SLC25A44: variants seen among roughly 807,000 people sequenced by gnomAD.
SLC25A44 encodes the protein solute carrier family 25 member 44, also known as solute carrier family 25, member 44.
Under a neutral mutation model 29.9 loss-of-function variants are expected in SLC25A44, and 17 were observed. That is an observed-to-expected ratio of 0.57 (90% CI 0.39 to 0.85). The LOEUF (loss-of-function observed/expected upper bound fraction) is 0.85, where lower values mean the gene tolerates loss of function less well. Among genes scored for constraint, SLC25A44 ranks in the 40% least tolerant of loss-of-function variants. The probability of loss-of-function intolerance (pLI) is 0.00; values close to 1 mark genes in which losing one functional copy is unlikely to be tolerated. For synonymous variants in SLC25A44, 140 were observed against 151.8 expected (o/e 0.92, Z 0.57); for missense variants, 302 against 398.4 (o/e 0.76, Z 2.06).
rs191009750 is a variant in SLC25A44, at chr1:156,202,109, T to G, written c.625+1637T>G. 1.8e-3 allele frequency among the ~76,000 whole-genome samples: 281 copies of G among 152,350 alleles called. 1 individual carries two copies. Among genetic ancestry groups the G allele is most frequent in the African/African-American group, 6.3e-3 (260 of 41,572 alleles). ...TCTTCAGTTCACTGAGACTGAAGTC[T>G]TGGGGATTGTGCTTGACTACTCCTT... is the stretch of plus-strand genomic sequence containing the variant. On this transcript the variant is annotated intron_variant, in intron 2 of 3. Transcript: ENST00000359511.
At position 156,200,492 on chromosome 1, in the gene SLC25A44, G is replaced by T. The variant is rs1174123186; in HGVS notation, c.625+20G>T. 37 of 1,568,586 alleles carry T rather than the reference G, an allele frequency of 2.4e-5. No homozygotes were observed. The highest frequency in any genetic ancestry group is 3.2e-5 in the Non-Finnish European group (37 of 1,156,658). ...ATGCAGGTAAGCAGGGGCCAGGACAGTGGGGGAGGAAGGTGGGATTTCTAA... is the reference window on the plus strand; with the variant it reads ...ATGCAGGTAAGCAGGGGCCAGGACATTGGGGGAGGAAGGTGGGATTTCTAA... On this transcript the variant is annotated intron_variant, in intron 2 of 3. Coordinates refer to ENST00000359511, the MANE Select transcript of SLC25A44 (RefSeq NM_014655.4).
chr1:156,200,486 A>G lies in SLC25A44; in HGVS notation c.625+14A>G. The G allele has an allele frequency of 6.3e-7, 1 of 1,578,772 alleles. No individual in the cohort carries two copies. Among genetic ancestry groups the G allele is most frequent in the Non-Finnish European group, 8.6e-7 (1 of 1,160,924 alleles). ...ACTTCTATGCAGGTAAGCAGGGGCC[A>G]GGACAGTGGGGGAGGAAGGTGGGAT... On this transcript the variant is annotated intron_variant, in intron 2 of 3. Coordinates refer to ENST00000359511, the MANE Select transcript of SLC25A44 (RefSeq NM_014655.4).
intron 1 of SLC25A44, among the ~76,000 whole-genome samples, 158 bp downstream of exon 1, chr1:156,194,405 C>G (rs1270832081): frequency 2.6e-5 from 4 of 152,188 alleles, no homozygotes; most frequent in East Asian, 1.9e-4. Context: ...GGCAGAGGAT[C>G]GTGAGATTCG....
At chr1:156,208,653 CTCTT>C (rs1308155555) in intron 3 of SLC25A44, among the ~76,000 whole-genome samples, 2 of 152,188 alleles carry the variant, frequency 1.3e-5, no homozygotes, top group Non-Finnish European at 2.9e-5. Flanking sequence ...CTATCAACGA[CTCTT>C]TCCTTTACCT....
At position 156,204,655 on chromosome 1, in the gene SLC25A44, T is replaced by G. The variant is rs541954192; in HGVS notation, c.626-3231T>G. Among the ~76,000 whole-genome samples the G allele has an allele frequency of 4.0e-5, 6 of 151,048 alleles. No individual in the cohort carries two copies. The East Asian group carries it at 1.2e-3, about 30-fold the overall frequency. On this transcript the variant is annotated intron_variant, in intron 2 of 3. Transcript: ENST00000359511. ...GCGCCTGCTGCCACACCCGGCAAATTTTTTGTATTTTTAGTAGAGATGGGG... is the reference window on the plus strand; with the variant it reads ...GCGCCTGCTGCCACACCCGGCAAATGTTTTGTATTTTTAGTAGAGATGGGG...
At chr1:156,206,109 T>A (rs1656910025) in intron 2 of SLC25A44, among the ~76,000 whole-genome samples, 1 of 152,188 alleles carries the variant, frequency 6.6e-6, no homozygotes, top group African/African-American at 2.4e-5. Flanking sequence ...TTTTATTTTT[T>A]AAAACATGCA....
In SLC25A44 at chr1:156,212,792, C is replaced by A; in HGVS notation, c.*2361C>A. ...TGTAATTAAAAGTTTTTATTGAGCCCCCGAGCTTTGGCTTGCGCGTATTTT... is the reference window on the plus strand; with the variant it reads ...TGTAATTAAAAGTTTTTATTGAGCCACCGAGCTTTGGCTTGCGCGTATTTT... On this transcript the variant is annotated 3_prime_UTR_variant, in exon 4 of 4. Transcript: ENST00000359511. 1.6e-6 allele frequency: 1 copy of A among 642,360 alleles called. No individual in the cohort carries two copies. The highest frequency in any genetic ancestry group is 2.6e-6 in the Non-Finnish European group (1 of 382,656). 39.8% of individuals were successfully genotyped at this position (642,360 alleles called of 1,614,324 possible).
intron 1 of SLC25A44, 90 bp from the exon 2 acceptor site, chr1:156,199,745 T>G (rs1379765844): frequency 8.7e-7 from 1 of 1,144,354 alleles, no homozygotes; most frequent in Non-Finnish European, 1.2e-6. Flanking sequence ...AGATGAGGGC[T>G]GAGAATGGGC....
chr1:156,210,173 C>T, intron 3 of SLC25A44, 67 bp from the exon 4 acceptor site: 1 of 1,193,618 alleles, frequency 8.4e-7, no homozygotes. Context: ...TAGCCTAAGG[C>T]AGAGGGAGAT....
chr1:156,200,355 A>G lies in SLC25A44; in HGVS notation c.508A>G (p.Ile170Val). 6.2e-7 allele frequency: 1 copy of G among 1,614,148 alleles called. No homozygotes were observed. The highest frequency in any genetic ancestry group is 8.5e-7 in the Non-Finnish European group (1 of 1,180,028). ...TGCCTTTGGCCAAACCAAGGACATC[A>G]TCAGGCAGATCCTGCAGGCTGATGG... ...VVAFGQTKDI[I>V]RQILQADGLR... Residue 170 changes from isoleucine (I) to valine (V), a missense_variant, in exon 2 of 4, where the codon ATC (isoleucine) becomes GTC (valine). Ile to Val is a conservative substitution (Grantham distance 29). Transcript: ENST00000359511.
At chr1:156,206,120 CAT>C (rs1388846085) in intron 2 of SLC25A44, among the ~76,000 whole-genome samples, 10 of 151,946 alleles carry the variant, frequency 6.6e-5, no homozygotes, top group Non-Finnish European at 1.0e-4. Context: ...AAAACATGCA[CAT>C]GTTTCAAAAT....
At chr1:156,207,154 A>C (rs1656992256) in intron 2 of SLC25A44, among the ~76,000 whole-genome samples, 1 of 151,516 alleles carries the variant, frequency 6.6e-6, no homozygotes, top group Admixed American at 6.6e-5. Context: ...CCTGCGCAAC[A>C]TAGTGAGACT....
Position 156,212,762 on chromosome 1 carries a change from T to C in SLC25A44, c.*2331T>C, listed in dbSNP as rs950927147. 5.7e-6 allele frequency: 3 copies of C among 530,350 alleles called. No individual in the cohort carries two copies. The African/African-American group carries it at 5.7e-5, about 10-fold the overall frequency. The allele number at this position is 530,350 out of a possible 1,614,324, so 32.9% of individuals were successfully genotyped here. A position where few individuals can be genotyped will look rare whatever the true frequency, so the allele number is the denominator to read the frequency against. On this transcript the variant is annotated 3_prime_UTR_variant, in exon 4 of 4. Coordinates refer to ENST00000359511, the MANE Select transcript of SLC25A44 (RefSeq NM_014655.4). ...TCACTGTTGCACTGTACGAAGTCTC[T>C]GAAATGTAATTAAAAGTTTTTATTG...
Position 156,210,954 on chromosome 1 carries a change from T to A in SLC25A44, c.*523T>A, listed in dbSNP as rs942899303. ...TGGGGCTAAGGTGCCAGGTACTTAT[T>A]TGCACAGGGAGCAGGAGCAGCAAAA... On this transcript the variant is annotated 3_prime_UTR_variant, in exon 4 of 4. Transcript: ENST00000359511. 1 of 152,362 alleles carries A rather than the reference T, an allele frequency of 6.6e-6. No individual in the cohort carries two copies. The highest frequency in any genetic ancestry group is 1.5e-5 in the Non-Finnish European group (1 of 68,032). The allele number at this position is 152,362 out of a possible 1,614,324, so 9.4% of individuals were successfully genotyped here. A position where few individuals can be genotyped will look rare whatever the true frequency, so the allele number is the denominator to read the frequency against.
intron 1 of SLC25A44, among the ~76,000 whole-genome samples, chr1:156,195,212 T>G (rs1374317459): frequency 6.6e-6 from 1 of 151,852 alleles, no homozygotes; most frequent in Admixed American, 6.6e-5. Context: ...CACACCATTC[T>G]CCTGCCTCAG....
chr1:156,194,387 C>A (rs1474700682), intron 1 of SLC25A44, 140 bp downstream of exon 1: 1 of 152,596 alleles, frequency 6.6e-6, no homozygotes, highest in Non-Finnish European at 1.5e-5. Flanking sequence ...GGTGAGGCGT[C>A]TCTTCCTGGC....
Position 156,210,293 on chromosome 1 carries a change from A to T in SLC25A44, c.807A>T (p.Glu269Asp), listed in dbSNP as rs1185074589. Reference sequence around the variant, plus strand: ...CCTTCAGACAGCTGATGGCAGAAGAAGGGCCTTGGGGCCTCATGAAGGGCC... The same window carrying T: ...CCTTCAGACAGCTGATGGCAGAAGATGGGCCTTGGGGCCTCATGAAGGGCC... ...ILTFRQLMAE[E>D]GPWGLMKGLS... is the part of the protein sequence containing the mutation. The change falls in exon 4 of 4, where the codon GAA becomes GAT. Residue 269 changes from glutamate to aspartate, a missense_variant. Physicochemically the swap from Glu to Asp is conservative, Grantham distance 45. Coordinates refer to ENST00000359511, the MANE Select transcript of SLC25A44 (RefSeq NM_014655.4). 1 of 1,597,174 alleles carries T rather than the reference A, an allele frequency of 6.3e-7. No homozygotes were observed. Among genetic ancestry groups the T allele is most frequent in the Non-Finnish European group, 8.5e-7 (1 of 1,172,614 alleles).
rs191070418 is a variant in SLC25A44 at position 156,196,784 on chromosome 1, G to C, written c.-14+2537G>C. On this transcript the variant is annotated intron_variant, in intron 1 of 3. Transcript: ENST00000359511. ...TGGAACAGAGCTGCAAGAAGTCTCT[G>C]GGCATCTGCATGGCCAGGAGCTTAT... 392 of 152,314 alleles carry C rather than the reference G, an allele frequency of 2.6e-3. 2 individuals carry two copies. The highest frequency in any genetic ancestry group is 8.9e-3 in the African/African-American group (372 of 41,570). The allele number at this position is 152,314 out of a possible 1,614,324, so 9.4% of individuals were successfully genotyped here. A position where few individuals can be genotyped will look rare whatever the true frequency, so the allele number is the denominator to read the frequency against.
chr1:156,194,696 G>A (rs1656099683), intron 1 of SLC25A44, among the ~76,000 whole-genome samples: 1 of 152,162 alleles, frequency 6.6e-6, no homozygotes, highest in South Asian at 2.1e-4. Context: ...AGTAGGACAG[G>A]TGGGCAAGCA....
Sources: allele counts gnomAD v4.1 joint callset (sites outside exome capture counted in the v4.1 genomes callset), GRCh38; gene constraint gnomAD v4.1.1; transcripts MANE v1.5; gene names NCBI Gene and HGNC (gene_info 2026-07-23, HGNC 2026-07-21).